AGMO: variants seen among roughly 807,000 people sequenced by gnomAD.
The protein encoded by AGMO is alkylglycerol monooxygenase.
In AGMO, 75 loss-of-function variants were observed where a neutral mutation model predicts 60.2. That is an observed-to-expected ratio of 1.25 (90% CI 1.03 to 1.51). AGMO has a LOEUF of 1.51. Among genes scored for constraint, AGMO ranks in the 40% most tolerant of loss-of-function variants. The pLI, the probability that AGMO is intolerant of heterozygous loss-of-function variation, is 0.00. For missense variants in AGMO, 763 were observed against 525.5 expected, an observed-to-expected ratio of 1.45 and a Z score of -4.42; for synonymous variants, 261 against 177.1, an observed-to-expected ratio of 1.47 and a Z score of -3.76.
At chr7:15,305,645 A>G (rs1780593206) in intron 12 of AGMO, among the ~76,000 whole-genome samples, 1 of 152,022 alleles carries the variant, frequency 6.6e-6, no homozygotes, top group African/African-American at 2.4e-5. Flanking sequence ...ATTTGGCTGT[A>G]TATCTGATCT....
rs563584422 is a variant in AGMO at position 15,412,686 on chromosome 7, A to T, written c.609+5872T>A. On this transcript the variant is annotated intron_variant, in intron 5 of 12. Transcript: ENST00000342526. ...AACACCTCCAGCATTTCATTATTTAAAAAAAAAAAAAAAAAAAAAAAGACA... is the reference window on the plus strand; with the variant it reads ...AACACCTCCAGCATTTCATTATTTATAAAAAAAAAAAAAAAAAAAAAGACA... 9.0e-3 allele frequency among the ~76,000 whole-genome samples: 1,275 copies of T among 141,996 alleles called. 9 individuals are homozygous for T. Among genetic ancestry groups the T allele is most frequent in the African/African-American group, 0.032 (1,225 of 38,350 alleles). The allele number at this position is 141,996 out of a possible 152,430, so 93.2% of individuals were successfully genotyped here.
At chr7:15,218,097 T>C (rs1781800741) in intron 12 of AGMO, among the ~76,000 whole-genome samples, 2 of 152,042 alleles carry the variant, frequency 1.3e-5, no homozygotes, top group South Asian at 4.1e-4. Flanking sequence ...TAAACGGTAA[T>C]ATATCCAAAC....
At chr7:15,235,526 T>A (rs1438101959) in intron 12 of AGMO, among the ~76,000 whole-genome samples, 1 of 152,180 alleles carries the variant, frequency 6.6e-6, no homozygotes, top group Non-Finnish European at 1.5e-5. Flanking sequence ...ATGCTGTTCA[T>A]AGACGACTAA....
At chr7:15,202,986 T>C (rs917466997) in intron 12 of AGMO, among the ~76,000 whole-genome samples, 8 of 152,102 alleles carry the variant, frequency 5.3e-5, no homozygotes, top group African/African-American at 1.9e-4. Context: ...GAGTAAATAA[T>C]TTACTTTAGA....
chr7:15,472,132 A>G (rs1409224939), intron 3 of AGMO, among the ~76,000 whole-genome samples: 1 of 152,022 alleles, frequency 6.6e-6, no homozygotes, highest in East Asian at 1.9e-4. Context: ...CCTTGAGGTT[A>G]AGGACTATGT....
the AGMO span, among the ~76,000 whole-genome samples, chr7:15,185,634 G>A: frequency 6.6e-6 from 1 of 151,766 alleles, no homozygotes; most frequent in African/African-American, 2.4e-5. Flanking sequence ...TCAACCAGAA[G>A]GAGAGAAGGC....
chr7:15,329,956 T>G (rs528249236), intron 12 of AGMO, among the ~76,000 whole-genome samples: 3 of 152,064 alleles, frequency 2.0e-5, no homozygotes, highest in Admixed American at 6.6e-5. Context: ...ATGAACAATA[T>G]GCAGATGCTG....
intron 12 of AGMO, among the ~76,000 whole-genome samples, chr7:15,246,206 T>C (rs1180733532): frequency 2.6e-5 from 4 of 152,008 alleles, no homozygotes; most frequent in Admixed American, 2.0e-4. Flanking sequence ...AGGATGCTGA[T>C]TTTACATAAT....
intron 2 of AGMO, among the ~76,000 whole-genome samples, chr7:15,547,648 C>A (rs1215871461): frequency 6.6e-6 from 1 of 152,020 alleles, no homozygotes; most frequent in Non-Finnish European, 1.5e-5. Context: ...ATATCCGCAC[C>A]TGGCTCGGAG....
intron 3 of AGMO, among the ~76,000 whole-genome samples, chr7:15,501,337 C>T (rs1434254123): frequency 3.9e-5 from 6 of 151,914 alleles, no homozygotes; most frequent in Non-Finnish European, 1.5e-5. Context: ...GGGTTGCCTT[C>T]ATAATATTTT....
intron 12 of AGMO, among the ~76,000 whole-genome samples, chr7:15,251,212 T>A (rs1220155529): frequency 6.6e-6 from 1 of 152,032 alleles, no homozygotes; most frequent in African/African-American, 2.4e-5. Flanking sequence ...TCTTTGTCCA[T>A]AGCTCACAAA....
the AGMO span, among the ~76,000 whole-genome samples, chr7:15,165,283 G>A: frequency 6.6e-6 from 1 of 152,156 alleles, no homozygotes; most frequent in South Asian, 2.1e-4. Context: ...TGGGTACAGT[G>A]TTCACTATTC....
intron 3 of AGMO, among the ~76,000 whole-genome samples, chr7:15,511,461 T>C (rs767333848): frequency 3.3e-5 from 5 of 151,794 alleles, no homozygotes; most frequent in African/African-American, 1.2e-4. Flanking sequence ...AAACAAAGGA[T>C]AGAGTGGTGG....
intron 12 of AGMO, among the ~76,000 whole-genome samples, chr7:15,203,355 C>T (rs918625980): frequency 2.6e-5 from 4 of 152,128 alleles, no homozygotes; most frequent in African/African-American, 9.7e-5. Flanking sequence ...ACCTTTGAAA[C>T]TGTGATTCAC....
chr7:15,367,388 G>A (rs1008112886), intron 10 of AGMO, among the ~76,000 whole-genome samples: 1 of 151,856 alleles, frequency 6.6e-6, no homozygotes, highest in Non-Finnish European at 1.5e-5. Context: ...TATGGCATGT[G>A]TTTCTTGTAC....
chr7:15,244,481 G>T (rs1286500988), intron 12 of AGMO, among the ~76,000 whole-genome samples: 1 of 151,916 alleles, frequency 6.6e-6, no homozygotes, highest in Non-Finnish European at 1.5e-5. Flanking sequence ...CTCCCATTAG[G>T]GTATATTCTA....
rs139946537 is a variant in AGMO, at chr7:15,314,137, C to A, written c.1263+51377G>T. On this transcript the variant is annotated intron_variant, in intron 12 of 12. Coordinates refer to ENST00000342526, the MANE Select transcript of AGMO (RefSeq NM_001004320.2). Reference sequence around the variant, plus strand: ...ACTGATGGACAGGTAGCATATATAGCATGGATAAGTTGGACAAAAAGGTGA... The same window carrying A: ...ACTGATGGACAGGTAGCATATATAGAATGGATAAGTTGGACAAAAAGGTGA... Among the ~76,000 whole-genome samples, 3 of 152,028 alleles carry A rather than the reference C, an allele frequency of 2.0e-5. No individual in the cohort carries two copies. In the East Asian group the frequency reaches 5.8e-4, roughly 30 times the overall value.
chr7:15,271,047 G>A (rs1783595899), intron 12 of AGMO, among the ~76,000 whole-genome samples: 1 of 152,034 alleles, frequency 6.6e-6, no homozygotes, highest in African/African-American at 2.4e-5. Flanking sequence ...CCAGTACCAT[G>A]CTGTTGATGT....
chr7:15,202,099 T>C (rs999279752), intron 12 of AGMO, among the ~76,000 whole-genome samples: 5 of 151,992 alleles, frequency 3.3e-5, no homozygotes, highest in African/African-American at 7.3e-5. Context: ...GTAACTGGAA[T>C]GATGATGAAA....
Sources: allele counts gnomAD v4.1 joint callset (sites outside exome capture counted in the v4.1 genomes callset), GRCh38; gene constraint gnomAD v4.1.1; transcripts MANE v1.5; gene names NCBI Gene and HGNC (gene_info 2026-07-23, HGNC 2026-07-21).